The following ARHGAP19 variants were observed in gnomAD, a reference collection of about 807,000 sequenced individuals.
The protein encoded by ARHGAP19 is Rho GTPase activating protein 19, also known as rho GTPase-activating protein 19.
A neutral mutation model predicts 60.9 loss-of-function variants in ARHGAP19; 48 were observed. The observed-to-expected ratio is 0.79, with a 90% CI of 0.62 to 1.00. ARHGAP19 has a LOEUF of 1.00. Ranked by LOEUF, ARHGAP19 falls within the 50% of genes least tolerant of loss-of-function variation. The pLI is 0.00. For missense variants in ARHGAP19, 562 were observed against 597.2 expected, an observed-to-expected ratio of 0.94 and a Z score of 0.61; for synonymous variants, 209 against 215.5, an observed-to-expected ratio of 0.97 and a Z score of 0.27.
chr10:97,260,998 C>T lies in ARHGAP19; in HGVS notation c.614-1370G>A, dbSNP rs545241901. On this transcript the variant is annotated intron_variant, in intron 4 of 11. Transcript: ENST00000358531. Reference sequence around the variant, plus strand: ...TGATAATGCTACTCACTCCACTTTTCCCCACTCAGATATTTTACAGCTAAA... The same window carrying T: ...TGATAATGCTACTCACTCCACTTTTTCCCACTCAGATATTTTACAGCTAAA... 2.7e-5 allele frequency among the ~76,000 whole-genome samples: 4 copies of T among 150,782 alleles called. No individual in the cohort carries two copies. The South Asian group carries it at 8.3e-4, about 31-fold the overall frequency.
Position 97,224,063 on chromosome 10 carries a change from A to G in ARHGAP19, c.*2059T>C, listed in dbSNP as rs893051546. On this transcript the variant is annotated 3_prime_UTR_variant, in exon 12 of 12. Coordinates refer to ENST00000358531, the MANE Select transcript of ARHGAP19 (RefSeq NM_032900.6). ...TTATGATTCCATTCACCCAAAGAGC[A>G]TCTACATCCGTCTAAATCTCAGCTA... 6.6e-6 allele frequency: 1 copy of G among 152,218 alleles called. No homozygotes were observed. The highest frequency in any genetic ancestry group is 1.5e-5 in the Non-Finnish European group (1 of 68,032). 9.4% of individuals were successfully genotyped at this position (152,218 alleles called of 1,614,324 possible).
chr10:97,246,407 G>T, intron 6 of ARHGAP19, 70 bp from the exon 7 acceptor site: 1 of 1,224,744 alleles, frequency 8.2e-7, no homozygotes, highest in Non-Finnish European at 1.2e-6. Flanking sequence ...AGGCCGCAAG[G>T]ACAGTGGTTC....
In ARHGAP19 at chr10:97,253,628, T is replaced by C. The variant is rs113877117; in HGVS notation, c.927+2690A>G. The stretch of plus-strand genomic sequence containing the variant: ...AACGTATGGTATATTTCAAAATAAC[T>C]AGAAGAGGGGACTTGAAATGTCCCC... On this transcript the variant is annotated intron_variant, in intron 6 of 11. Transcript: ENST00000358531. Among the ~76,000 whole-genome samples the C allele has an allele frequency of 6.2e-4, 95 of 152,226 alleles. 2 individuals carry two copies. Among genetic ancestry groups the C allele is most frequent in the Admixed American group, 1.6e-3 (25 of 15,262 alleles).
At chr10:97,245,909 C>G (rs1019130656) in intron 7 of ARHGAP19, among the ~76,000 whole-genome samples, 1 of 151,824 alleles carries the variant, frequency 6.6e-6, no homozygotes, top group Admixed American at 6.6e-5. Context: ...CCTCTGAAAG[C>G]AAATAAAAAT....
At chr10:97,259,796 A>G (rs1032437762) in intron 4 of ARHGAP19, among the ~76,000 whole-genome samples, 168 bp from the exon 5 acceptor site, 1 of 151,830 alleles carries the variant, frequency 6.6e-6, no homozygotes, top group Non-Finnish European at 1.5e-5. Flanking sequence ...AAATAATGTC[A>G]ATGCAATTCA....
intron 8 of ARHGAP19, among the ~76,000 whole-genome samples, chr10:97,239,063 T>G (rs1842426974): frequency 2.0e-5 from 3 of 152,212 alleles, no homozygotes; most frequent in Admixed American, 2.0e-4. Context: ...GGCTATACCA[T>G]ACAGCCTAGG....
In ARHGAP19 at chr10:97,267,621, C is replaced by T. The variant is rs1450579442; in HGVS notation, c.57-1496G>A. ...ACCTCTGCCTTGAGGCATTTCCATA[C>T]ATCCTCTGAAATCTAGGCTGAGGTT... is the stretch of plus-strand genomic sequence containing the variant. On this transcript the variant is annotated intron_variant, in intron 1 of 11. Transcript: ENST00000358531. Among the ~76,000 whole-genome samples the T allele has an allele frequency of 2.6e-5, 4 of 152,266 alleles. No homozygotes were observed. The East Asian group carries it at 7.7e-4, about 29-fold the overall frequency.
chr10:97,284,689 T>C (rs1168333758), intron 1 of ARHGAP19, among the ~76,000 whole-genome samples: 1 of 151,814 alleles, frequency 6.6e-6, no homozygotes, highest in African/African-American at 2.4e-5. Flanking sequence ...TTATTTTTAG[T>C]AGAGACAATG....
chr10:97,270,935 A>T (rs1418684738), intron 1 of ARHGAP19, among the ~76,000 whole-genome samples: 1 of 152,276 alleles, frequency 6.6e-6, no homozygotes, highest in Non-Finnish European at 1.5e-5. Context: ...ATGTAAAAGC[A>T]TATAACAGGT....
chr10:97,270,400 A>G (rs1842946752), intron 1 of ARHGAP19, among the ~76,000 whole-genome samples: 1 of 152,178 alleles, frequency 6.6e-6, no homozygotes, highest in African/African-American at 2.4e-5. Flanking sequence ...TTATTCCCAT[A>G]TCACAAAGCC....
chr10:97,226,863 T>C (rs2075549137), intron 11 of ARHGAP19, among the ~76,000 whole-genome samples: 1 of 152,216 alleles, frequency 6.6e-6, no homozygotes, highest in East Asian at 1.9e-4. Flanking sequence ...GAAGAATGGG[T>C]AAGATTTTGA....
In ARHGAP19 at chr10:97,225,298, G is replaced by A. The variant is rs1410398529; in HGVS notation, c.*824C>T. On this transcript the variant is annotated 3_prime_UTR_variant, in exon 12 of 12. Transcript: ENST00000358531. ...TTTAGTCAAGAGGAAATTGAATGAA[G>A]ATAACAAGTTCAGCAAAACACAATT... 1 of 152,130 alleles carries A rather than the reference G, an allele frequency of 6.6e-6. No homozygotes were observed. Among genetic ancestry groups the A allele is most frequent in the East Asian group, 1.9e-4 (1 of 5,196 alleles). The allele number at this position is 152,130 out of a possible 1,614,324, so 9.4% of individuals were successfully genotyped here.
At chr10:97,271,462 C>T (rs1275149603) in intron 1 of ARHGAP19, among the ~76,000 whole-genome samples, 1 of 151,696 alleles carries the variant, frequency 6.6e-6, no homozygotes, top group African/African-American at 2.4e-5. Context: ...ACCAGTAAGC[C>T]AAAAAATTAA....
At position 97,234,236 on chromosome 10, in the gene ARHGAP19, C is replaced by T. The variant is rs1215397809; in HGVS notation, c.1284+981G>A. Among the ~76,000 whole-genome samples the T allele has an allele frequency of 1.3e-4, 19 of 151,662 alleles. 1 individual carries two copies. The highest frequency in any genetic ancestry group is 1.3e-3 in the Admixed American group (19 of 15,186). On this transcript the variant is annotated intron_variant, in intron 9 of 11. Transcript: ENST00000358531. ...GAGCCGAGACCATGTTATTGCACTC[C>T]AGCCTGGGCGACAACAGCGAGACTC...
At chr10:97,231,500 CCTTCTCTA>C (rs922784853) in intron 9 of ARHGAP19, among the ~76,000 whole-genome samples, 52 of 152,184 alleles carry the variant, frequency 3.4e-4, no homozygotes, top group African/African-American at 1.2e-3. Context: ...CAACCAACCA[CCTTCTCTA>C]CTTTCTGTCT....
chr10:97,265,041 A>T, intron 2 of ARHGAP19, 135 bp from the exon 3 acceptor site: 1 of 657,262 alleles, frequency 1.5e-6, no homozygotes, highest in Non-Finnish European at 2.6e-6. Context: ...AAACCTTAGA[A>T]CTGGAAGTGC....
intron 5 of ARHGAP19, among the ~76,000 whole-genome samples, chr10:97,256,703 C>A (rs1842756901): frequency 6.6e-6 from 1 of 151,966 alleles, no homozygotes; most frequent in Non-Finnish European, 1.5e-5. Flanking sequence ...TCAAAATGGG[C>A]AGAAAAAAAC....
chr10:97,229,842 T>C lies in ARHGAP19; in HGVS notation c.1317A>G (p.Glu439=). ...CTGGAGTAGGGTTCTTCTTTTTCTT[T>C]TCTGACATCATCTGATTTCCCAGGA... ...RKVLGNQMMS[E]KKKKNPTPES... Residue 439 remains glutamate, a synonymous_variant, in exon 10 of 12, where the codon GAA becomes GAG. Coordinates refer to ENST00000358531, the MANE Select transcript of ARHGAP19 (RefSeq NM_032900.6). 1 of 1,612,694 alleles carries C rather than the reference T, an allele frequency of 6.2e-7. No homozygotes were observed. Among genetic ancestry groups the C allele is most frequent in the Non-Finnish European group, 8.5e-7 (1 of 1,179,490 alleles).
rs145602890 is a variant in ARHGAP19, at chr10:97,247,092, A to G, written c.928-755T>C. 2.8e-3 allele frequency among the ~76,000 whole-genome samples: 422 copies of G among 151,866 alleles called. 2 individuals are homozygous for G. Among genetic ancestry groups the G allele is most frequent in the African/African-American group, 9.0e-3 (371 of 41,428 alleles). On this transcript the variant is annotated intron_variant, in intron 6 of 11. Transcript: ENST00000358531. ...ACAGAGGTTGCAGTGTGCCAAGATC[A>G]CACCATTGCACTCCAGCCTGGGCAA...
Sources: gnomAD v4.1 joint callset for allele counts (sites outside exome capture counted in the v4.1 genomes callset) on GRCh38, gnomAD v4.1.1 for gene constraint, MANE v1.5 for transcripts, NCBI Gene and HGNC (gene_info 2026-07-23, HGNC 2026-07-21) for gene names.